Variants in CORO2B observed in about 807,000 individuals in gnomAD.
The protein encoded by CORO2B is coronin-2B.
CORO2B carries 26 observed loss-of-function variants against 58.8 expected under a neutral mutation model. That is an observed-to-expected ratio of 0.44 (90% CI 0.32 to 0.61). The LOEUF is 0.61. Among genes scored for constraint, CORO2B ranks in the 20% least tolerant of loss-of-function variants. The probability of loss-of-function intolerance (pLI) is 0.04; values close to 1 mark genes in which losing one functional copy is unlikely to be tolerated. For synonymous variants in CORO2B, 242 were observed against 253.8 expected, an observed-to-expected ratio of 0.95 and a Z score of 0.44; for missense variants, 460 against 645.1, an observed-to-expected ratio of 0.71 and a Z score of 3.11.
In CORO2B at chr15:68,624,570, T is replaced by G. The variant is rs574296524; in HGVS notation, c.16-20590T>G. Among the ~76,000 whole-genome samples, 4 of 152,278 alleles carry G rather than the reference T, an allele frequency of 2.6e-5. No individual in the cohort carries two copies. The South Asian group carries it at 6.2e-4, about 24-fold the overall frequency. ...TAATATATGATGTATTAGTTGTGCA[T>G]TCAAATCACCTTGGGGGCTTTTTAA... On this transcript the variant is annotated intron_variant, in intron 1 of 11. Transcript: ENST00000261861.
chr15:68,634,040 A>G (rs1900947978), intron 1 of CORO2B, among the ~76,000 whole-genome samples: 1 of 152,248 alleles, frequency 6.6e-6, no homozygotes, highest in African/African-American at 2.4e-5. Flanking sequence ...AGTGGCAGCT[A>G]TGCCTGGCAT....
chr15:68,627,802 T>A (rs1046389819), intron 1 of CORO2B, among the ~76,000 whole-genome samples: 3 of 152,134 alleles, frequency 2.0e-5, no homozygotes, highest in Admixed American at 2.0e-4. Flanking sequence ...ACCCTCAGGC[T>A]TATGGGTACA....
chr15:68,677,086 T>C (rs533023236), intron 2 of CORO2B, among the ~76,000 whole-genome samples: 1 of 152,328 alleles, frequency 6.6e-6, no homozygotes, highest in East Asian at 1.9e-4. Context: ...AGACCTGTTT[T>C]TGCAGCACTT....
chr15:68,640,178 G>C (rs1901164586), intron 1 of CORO2B, among the ~76,000 whole-genome samples: 1 of 152,196 alleles, frequency 6.6e-6, no homozygotes, highest in South Asian at 2.1e-4. Context: ...ACTCGTGCCT[G>C]GCCTGGCCTT....
chr15:68,725,790 C>T, intron 11 of CORO2B, 53 bp from the exon 12 acceptor site: 2 of 1,601,500 alleles, frequency 1.2e-6, no homozygotes, highest in Non-Finnish European at 1.7e-6. Context: ...AAATCCTTGT[C>T]TCACCTGCTC....
At chr15:68,673,383 AG>A (rs1294067890) in intron 2 of CORO2B, among the ~76,000 whole-genome samples, 1 of 151,916 alleles carries the variant, frequency 6.6e-6, no homozygotes, top group African/African-American at 2.4e-5. Context: ...ATAAAAAATT[AG>A]CCAAGCATGC....
intron 1 of CORO2B, among the ~76,000 whole-genome samples, chr15:68,626,221 A>G (rs1418157787): frequency 6.6e-6 from 1 of 152,214 alleles, no homozygotes; most frequent in African/African-American, 2.4e-5. Flanking sequence ...GATGAGAACC[A>G]TAACGCAGGA....
chr15:68,711,002 C>T, intron 4 of CORO2B, 121 bp downstream of exon 4: 1 of 1,108,092 alleles, frequency 9.0e-7, no homozygotes, highest in East Asian at 2.8e-5. Context: ...TGTTCATTTG[C>T]TTATTCATTC....
chr15:68,578,655 G>T (rs1595948280), upstream of CORO2B, among the ~76,000 whole-genome samples: 1 of 151,968 alleles, frequency 6.6e-6, no homozygotes, highest in African/African-American at 2.4e-5. The surrounding 1 kb of genome is among the most constrained non-coding windows in gnomAD (Gnocchi z 4.2). Flanking sequence ...CGCCTCGGCC[G>T]TCCAGCCTGT....
At chr15:68,550,901 C>T in the CORO2B span, among the ~76,000 whole-genome samples, 1 of 152,188 alleles carries the variant, frequency 6.6e-6, no homozygotes, top group Admixed American at 6.5e-5. Context: ...AGCCCACCTG[C>T]CTCCCAGAGG....
chr15:68,664,323 A>C (rs988753832), intron 2 of CORO2B, among the ~76,000 whole-genome samples: 7 of 152,112 alleles, frequency 4.6e-5, no homozygotes, highest in African/African-American at 1.7e-4. Context: ...AGCAAAGTGT[A>C]AGTGTGCCTG....
At chr15:68,539,906 T>C in the CORO2B span, among the ~76,000 whole-genome samples, 2 of 152,244 alleles carry the variant, frequency 1.3e-5, no homozygotes, top group Non-Finnish European at 2.9e-5. Context: ...GCAGTCAATC[T>C]ATCGTGGTAT....
intron 3 of CORO2B, among the ~76,000 whole-genome samples, chr15:68,697,228 G>A (rs1246061761): frequency 4.6e-5 from 7 of 152,048 alleles, no homozygotes; most frequent in Non-Finnish European, 5.9e-5. Context: ...ATGGATGGAT[G>A]GATGGATGGA....
At chr15:68,635,668 T>C (rs896395308) in intron 1 of CORO2B, among the ~76,000 whole-genome samples, 1 of 152,218 alleles carries the variant, frequency 6.6e-6, no homozygotes, top group Non-Finnish European at 1.5e-5. Flanking sequence ...CCTTTTTGTG[T>C]CAGGACCACA....
At chr15:68,557,307 T>G in the CORO2B span, among the ~76,000 whole-genome samples, 4 of 150,870 alleles carry the variant, frequency 2.7e-5, no homozygotes, top group African/African-American at 2.4e-5. Context: ...GAGGTTCTGG[T>G]GCCAATCTAT....
intron 1 of CORO2B, among the ~76,000 whole-genome samples, chr15:68,590,444 C>T (rs1899676032): frequency 6.6e-6 from 1 of 152,080 alleles, no homozygotes; most frequent in South Asian, 2.1e-4. Flanking sequence ...GGGAGACAGC[C>T]TCCGAGAGGA....
At chr15:68,724,423 T>C (rs994914402) in intron 11 of CORO2B, among the ~76,000 whole-genome samples, 1 of 152,178 alleles carries the variant, frequency 6.6e-6, no homozygotes, top group Non-Finnish European at 1.5e-5. Context: ...GTTTTTACAA[T>C]GTTTTCTCTC....
intron 3 of CORO2B, among the ~76,000 whole-genome samples, chr15:68,704,937 A>G (rs1021113443): frequency 2.0e-5 from 3 of 152,182 alleles, no homozygotes. Context: ...ACCTCTGAGC[A>G]GATCCACAGG....
Position 68,645,286 on chromosome 15 carries a change from G to A in CORO2B, c.142G>A (p.Val48Ile), listed in dbSNP as rs767629491. 4.3e-6 allele frequency: 7 copies of A among 1,613,978 alleles called. No individual in the cohort carries two copies. The highest frequency in any genetic ancestry group is 1.7e-5 in the Admixed American group (1 of 60,002). ...KNVHDNHFCA[V>I]NTRFLAIVTE... ...TGTGCACGACAACCACTTCTGTGCC[G>A]TCAACACCCGCTTCCTGGCCATCGT... Residue 48 changes from valine (V) to isoleucine (I), a missense_variant, in exon 2 of 12, where the codon GTC (valine) becomes ATC (isoleucine). Transcript: ENST00000261861. The surrounding 1 kb of genome is among the most constrained non-coding windows in gnomAD (Gnocchi z 4.5).
Sources: allele counts gnomAD v4.1 joint callset (sites outside exome capture counted in the v4.1 genomes callset), GRCh38; gene constraint gnomAD v4.1.1; non-coding constraint Gnocchi (gnomAD v3.1); transcripts MANE v1.5; gene names NCBI Gene and HGNC (gene_info 2026-07-23, HGNC 2026-07-21).